Variants in MASP2 observed in about 807,000 individuals in gnomAD.
MASP2 encodes the protein MBL associated serine protease 2, also known as mannan-binding lectin serine protease 2.
A neutral mutation model predicts 57.1 loss-of-function variants in MASP2; 49 were observed. The observed-to-expected ratio is 0.86, with a 90% CI of 0.68 to 1.09. The LOEUF is 1.09. Ranked by LOEUF, MASP2 falls within the 50% of genes least tolerant of loss-of-function variation. The probability of loss-of-function intolerance (pLI) is 0.00; values close to 1 mark genes in which losing one functional copy is unlikely to be tolerated. For missense variants in MASP2, 900 were observed against 874.8 expected (o/e 1.03, Z -0.36); for synonymous variants, 379 against 340.8 (o/e 1.11, Z -1.24).
At position 11,027,047 on chromosome 1, in the gene MASP2, G is replaced by C; in HGVS notation, c.1899C>G (p.Ser633Arg). Reference sequence around the variant, plus strand: ...TATCTAGAAACACCAGTGCCCCTCCGCTGTCACCTCTGCAGCTGTCCTTGC... The same window carrying C: ...TATCTAGAAACACCAGTGCCCCTCCCCTGTCACCTCTGCAGCTGTCCTTGC... ...SGGKDSCRGD[S>R]GGALVFLDSE... Residue 633 changes from serine to arginine, a missense_variant, in exon 11 of 11, where the codon AGC becomes AGG. Transcript: ENST00000400897. 1 of 1,593,484 alleles carries C rather than the reference G, an allele frequency of 6.3e-7. No individual in the cohort carries two copies. The highest frequency in any genetic ancestry group is 8.5e-7 in the Non-Finnish European group (1 of 1,170,064).
At chr1:11,040,975 A>ATGGATAGATAGAAG (rs1638408147) in intron 6 of MASP2, among the ~76,000 whole-genome samples, 1 of 150,544 alleles carries the variant, frequency 6.6e-6, no homozygotes, top group Admixed American at 6.6e-5. Context: ...GGATGGATGG[A>ATGGATAGATAGAAG]TGGATAGATA....
intron 4 of MASP2, 177 bp downstream of exon 4, chr1:11,045,231 G>C: frequency 2.1e-6 from 2 of 930,730 alleles, no homozygotes; most frequent in Non-Finnish European, 3.4e-6. Context: ...GCACTGATGA[G>C]CCTGGCTGCT....
intron 6 of MASP2, among the ~76,000 whole-genome samples, chr1:11,038,894 A>G (rs1200263271): frequency 7.6e-6 from 1 of 131,134 alleles, no homozygotes; most frequent in African/African-American, 2.9e-5. Flanking sequence ...AAACTGCTGA[A>G]GCTGTGGCTC....
At chr1:11,036,528 A>AAC (rs1557670936) in intron 7 of MASP2, among the ~76,000 whole-genome samples, 1 of 141,650 alleles carries the variant, frequency 7.1e-6, no homozygotes, top group African/African-American at 2.9e-5. Context: ...AAAAAAAAAA[A>AAC]AAAAAAAAAC....
intron 6 of MASP2, among the ~76,000 whole-genome samples, chr1:11,040,623 T>C (rs1264314697): frequency 2.7e-5 from 4 of 149,350 alleles, no homozygotes; most frequent in Non-Finnish European, 5.9e-5. Context: ...AAAGGATGGA[T>C]GGATGGGTAT....
chr1:11,046,122 C>A, intron 3 of MASP2: 1 of 282,474 alleles, frequency 3.5e-6, no homozygotes, highest in Non-Finnish European at 7.0e-6. Context: ...AAGCAATTCT[C>A]CTGCCTCAGC....
rs74052905 is a variant in MASP2 at position 11,044,707 on chromosome 1, T to C, written c.544+701A>G. On this transcript the variant is annotated intron_variant, in intron 4 of 10. Transcript: ENST00000400897. ...CCCATGGAGGAGGCTCCCACAGACC[T>C]GGGGTTCATGAGGCTGTGAGGAGGG... 321 of 1,218,450 alleles carry C rather than the reference T, an allele frequency of 2.6e-4. 2 individuals are homozygous for C. The African/African-American group carries it at 4.3e-3, about 16-fold the overall frequency. The allele number at this position is 1,218,450 out of a possible 1,614,324, so 75.5% of individuals were successfully genotyped here. A position where few individuals can be genotyped will look rare whatever the true frequency, so the allele number is the denominator to read the frequency against.
chr1:11,043,372 G>T lies in MASP2; in HGVS notation c.708C>A (p.His236Gln), dbSNP rs1638520198. 6.2e-7 allele frequency: 1 copy of T among 1,609,332 alleles called. No homozygotes were observed. Among genetic ancestry groups the T allele is most frequent in the South Asian group, 1.1e-5 (1 of 90,070 alleles). ...DFVESFDVET[H>Q]PETLCPYDFL... The stretch of plus-strand genomic sequence containing the variant: ...AGTCGTAGGGACACAGGGTTTCAGG[G>T]TGTGTCTCCACATCGAAGGACTCCA... The change falls in exon 5 of 11, where the codon CAC (histidine) becomes CAA (glutamine). Residue 236 changes from histidine (H) to glutamine (Q), a missense_variant. Transcript: ENST00000400897.
intron 8 of MASP2, among the ~76,000 whole-genome samples, chr1:11,032,439 C>T (rs1287391599): frequency 1.3e-5 from 2 of 150,480 alleles, no homozygotes; most frequent in African/African-American, 4.9e-5. Flanking sequence ...TGGTGAAACC[C>T]TGCCTCTACT....
intron 8 of MASP2, among the ~76,000 whole-genome samples, chr1:11,033,153 A>ACC (rs1200551695): frequency 6.6e-6 from 1 of 151,624 alleles, no homozygotes; most frequent in African/African-American, 2.4e-5. Flanking sequence ...ACATGGAGAA[A>ACC]CCCCGTCTCT....
intron 7 of MASP2, among the ~76,000 whole-genome samples, chr1:11,036,429 G>C (rs370902384): frequency 6.8e-6 from 1 of 146,554 alleles, no homozygotes; most frequent in African/African-American, 2.5e-5. Context: ...GCGTGAACCC[G>C]GGAAGCGGAG....
chr1:11,031,556 G>A (rs906694645), intron 8 of MASP2, among the ~76,000 whole-genome samples: 3 of 126,806 alleles, frequency 2.4e-5, no homozygotes, highest in Admixed American at 8.5e-5. Context: ...AGGCTGCAGC[G>A]GAACAGCACA....
chr1:11,044,346 C>T (rs1557676683), intron 4 of MASP2, among the ~76,000 whole-genome samples: 2 of 152,154 alleles, frequency 1.3e-5, no homozygotes, highest in Non-Finnish European at 2.9e-5. Context: ...CCCATACCAC[C>T]ACCCCACCCC....
intron 6 of MASP2, among the ~76,000 whole-genome samples, chr1:11,039,292 A>G (rs1487108038): frequency 6.6e-6 from 1 of 152,144 alleles, no homozygotes; most frequent in East Asian, 1.9e-4. Context: ...TCCCTAGTAG[A>G]CATCCATAGG....
chr1:11,027,042 C>G lies in MASP2; in HGVS notation c.1904G>C (p.Gly635Ala). The G allele has an allele frequency of 2.5e-6, 4 of 1,595,124 alleles. No individual in the cohort carries two copies. The highest frequency in any genetic ancestry group is 2.6e-6 in the Non-Finnish European group (3 of 1,170,684). ...TTCACTATCTAGAAACACCAGTGCC[C>G]CTCCGCTGTCACCTCTGCAGCTGTC... ...GKDSCRGDSGGALVFLDSETE... is the reference protein window; with the variant it reads ...GKDSCRGDSGAALVFLDSETE... The change falls in exon 11 of 11, where the codon GGG becomes GCG. Residue 635 changes from glycine (G) to alanine (A), a missense_variant. Coordinates refer to ENST00000400897, the MANE Select transcript of MASP2 (RefSeq NM_006610.4).
chr1:11,030,708 C>T, intron 9 of MASP2, 40 bp downstream of exon 9: 1 of 1,552,584 alleles, frequency 6.4e-7, no homozygotes, highest in Non-Finnish European at 8.7e-7. Flanking sequence ...GGCTCAAGTT[C>T]CAAGTATTGC....
At chr1:11,036,377 G>A (rs1214672889) in intron 7 of MASP2, among the ~76,000 whole-genome samples, 2 of 150,018 alleles carry the variant, frequency 1.3e-5, no homozygotes, top group African/African-American at 4.9e-5. Flanking sequence ...GGTGGCGGGC[G>A]CCTGTAGTCC....
chr1:11,042,600 T>C (rs1416918429), intron 6 of MASP2, among the ~76,000 whole-genome samples: 1 of 151,316 alleles, frequency 6.6e-6, no homozygotes, highest in African/African-American at 2.4e-5. Flanking sequence ...GAAGGATGAG[T>C]GGACAGAAGG....
intron 6 of MASP2, 87 bp downstream of exon 6, chr1:11,042,788 G>A: frequency 6.9e-7 from 1 of 1,455,242 alleles, no homozygotes; most frequent in South Asian, 1.3e-5. Context: ...TGGCCCAGAA[G>A]GAGCCCTACA....
Sources: allele counts gnomAD v4.1 joint callset (sites outside exome capture counted in the v4.1 genomes callset), GRCh38; gene constraint gnomAD v4.1.1; transcripts MANE v1.5; gene names NCBI Gene and HGNC (gene_info 2026-07-23, HGNC 2026-07-21).